PTK2B: variants seen among roughly 807,000 people sequenced by gnomAD.
PTK2B encodes protein tyrosine kinase 2 beta.
PTK2B carries 71 observed loss-of-function variants against 142.9 expected under a neutral mutation model. The observed-to-expected ratio is 0.50, with a 90% CI of 0.41 to 0.61. PTK2B has a LOEUF of 0.61. PTK2B is among the 20% of genes least tolerant of loss of function. PTK2B has a pLI of 0.00. For missense variants in PTK2B, 1,105 were observed against 1,320.4 expected, an observed-to-expected ratio of 0.84 and a Z score of 2.53; for synonymous variants, 519 against 503.4, an observed-to-expected ratio of 1.03 and a Z score of -0.42.
chr8:27,410,382 G>A (rs1440533498), intron 2 of PTK2B, among the ~76,000 whole-genome samples: 1 of 152,174 alleles, frequency 6.6e-6, no homozygotes, highest in African/African-American at 2.4e-5. Flanking sequence ...TCCCAAATCA[G>A]GATGAAAGGA....
At chr8:27,414,158 G>A (rs890384881) in intron 2 of PTK2B, among the ~76,000 whole-genome samples, 1 of 152,130 alleles carries the variant, frequency 6.6e-6, no homozygotes, top group Non-Finnish European at 1.5e-5. Flanking sequence ...AGCCATTTCT[G>A]CAAGGAGCTT....
intron 28 of PTK2B, among the ~76,000 whole-genome samples, chr8:27,453,727 T>A (rs74614358): frequency 0.13 from 19,593 of 152,022 alleles, 1,277 homozygotes; most frequent in Middle Eastern, 0.16. Flanking sequence ...TAAATTTTTT[T>A]AAAAAAGATT....
intron 1 of PTK2B, among the ~76,000 whole-genome samples, chr8:27,376,800 T>A (rs911105648): frequency 6.6e-6 from 1 of 152,226 alleles, no homozygotes; most frequent in Non-Finnish European, 1.5e-5. Context: ...TAATCCACCC[T>A]TTGTTTAGCA....
intron 1 of PTK2B, among the ~76,000 whole-genome samples, chr8:27,332,777 T>C (rs1177693017): frequency 6.6e-6 from 1 of 152,194 alleles, no homozygotes; most frequent in Non-Finnish European, 1.5e-5. Flanking sequence ...AGACGATGTC[T>C]TGCTATGTTG....
In PTK2B at chr8:27,454,104, C is replaced by T. The variant is rs115274267; in HGVS notation, c.2596-50C>T. 2.3e-3 allele frequency: 3,695 copies of T among 1,609,460 alleles called. 81 individuals are homozygous for T. The African/African-American group carries it at 0.044, about 19-fold the overall frequency. On this transcript the variant is annotated intron_variant, in intron 28 of 30. Coordinates refer to ENST00000346049, the MANE Select transcript of PTK2B (RefSeq NM_173176.3). The stretch of plus-strand genomic sequence containing the variant: ...GTGCCTGCCCAGGAAAGAATCATTC[C>T]GTGCCCCTGGCTCTCCCCAACTCAC...
intron 5 of PTK2B, among the ~76,000 whole-genome samples, chr8:27,425,055 A>ATAGTCACG (rs1268793410): frequency 1.3e-5 from 2 of 150,624 alleles, no homozygotes; most frequent in African/African-American, 4.9e-5. Flanking sequence ...TAGTAACATT[A>ATAGTCACG]TAGTCACGTT....
intron 1 of PTK2B, among the ~76,000 whole-genome samples, chr8:27,358,030 G>T (rs1231018790): frequency 6.6e-6 from 1 of 152,180 alleles, no homozygotes; most frequent in Admixed American, 6.5e-5. Flanking sequence ...AACCTCATTG[G>T]ATTTCTATGG....
intron 30 of PTK2B, among the ~76,000 whole-genome samples, chr8:27,456,444 C>G (rs1230414751): frequency 6.6e-6 from 1 of 152,214 alleles, no homozygotes; most frequent in African/African-American, 2.4e-5. Flanking sequence ...CCATCATAAA[C>G]TGTGCCCACA....
intron 1 of PTK2B, among the ~76,000 whole-genome samples, chr8:27,341,764 C>T (rs1050077849): frequency 3.7e-4 from 56 of 152,236 alleles, no homozygotes; most frequent in African/African-American, 1.3e-3. Flanking sequence ...GCTTCTACCT[C>T]CCAGGCTAAG....
Position 27,363,130 on chromosome 8 carries a change from A to G in PTK2B, c.-37-34418A>G, listed in dbSNP as rs991104138. Among the ~76,000 whole-genome samples the G allele has an allele frequency of 3.3e-5, 5 of 152,222 alleles. No homozygotes were observed. The highest frequency in any genetic ancestry group is 3.3e-4 in the Admixed American group (5 of 15,280). ...TTCCCTCATTGGAGTAGGGACTAGG[A>G]CAAGGGCCAGCCCATCCTGTCAGGC... is the stretch of plus-strand genomic sequence containing the variant. On this transcript the variant is annotated intron_variant, in intron 1 of 30. Transcript: ENST00000346049. This position sits in a 1 kb window ranked among gnomAD's most constrained non-coding sequence, Gnocchi z 4.3.
At chr8:27,434,423 G>T (rs541943669) in intron 12 of PTK2B, 90 bp from the exon 13 acceptor site, 1 of 1,377,958 alleles carries the variant, frequency 7.3e-7, no homozygotes, top group Non-Finnish European at 9.9e-7. Context: ...TTCTCCACAG[G>T]GGGCAGGAGG....
At chr8:27,398,075 T>C (rs527579042) in intron 2 of PTK2B, among the ~76,000 whole-genome samples, 8 of 152,388 alleles carry the variant, frequency 5.2e-5, no homozygotes, top group African/African-American at 1.9e-4. Context: ...TAAGTATTTA[T>C]GATACTTGAA....
At chr8:27,434,476 T>C in intron 12 of PTK2B, 37 bp from the exon 13 acceptor site, 1 of 1,594,210 alleles carries the variant, frequency 6.3e-7, no homozygotes, top group Non-Finnish European at 8.6e-7. Flanking sequence ...TACCGGCCTC[T>C]GAGCTCACCT....
intron 1 of PTK2B, among the ~76,000 whole-genome samples, chr8:27,350,020 G>C (rs1804949479): frequency 6.6e-6 from 1 of 152,206 alleles, no homozygotes; most frequent in Admixed American, 6.5e-5. Flanking sequence ...CATTCTGCAG[G>C]CTTCTCATCC....
intron 3 of PTK2B, among the ~76,000 whole-genome samples, chr8:27,315,195 C>T (rs1351822879): frequency 6.6e-6 from 1 of 152,196 alleles, no homozygotes; most frequent in Admixed American, 6.5e-5. Context: ...GTTCATGGTT[C>T]TCCTGCAATT....
At chr8:27,355,644 G>A (rs934119589) in intron 1 of PTK2B, among the ~76,000 whole-genome samples, 2 of 152,208 alleles carry the variant, frequency 1.3e-5, no homozygotes, top group Non-Finnish European at 2.9e-5. Context: ...TAAGAAATAT[G>A]AGTGTATTCC....
chr8:27,451,848 C>T (rs1352780603), intron 27 of PTK2B: 11 of 1,002,166 alleles, frequency 1.1e-5, no homozygotes, highest in Non-Finnish European at 1.3e-5. Flanking sequence ...AAAAGTTAAG[C>T]AGTGCCACCT....
intron 1 of PTK2B, among the ~76,000 whole-genome samples, chr8:27,375,955 A>T (rs1415110518): frequency 6.6e-6 from 1 of 152,222 alleles, no homozygotes; most frequent in Non-Finnish European, 1.5e-5. Context: ...ACAGCCGAGA[A>T]TAGAACCCAA....
Position 27,433,494 on chromosome 8 carries a change from C to T in PTK2B, c.1047C>T (p.Asp349=), listed in dbSNP as rs372119534. The T allele has an allele frequency of 1.1e-4, 185 of 1,614,242 alleles. No individual in the cohort carries two copies. The highest frequency in any genetic ancestry group is 4.9e-4 in the South Asian group (45 of 91,088). The change falls in exon 11 of 31, where the codon GAC becomes GAT. Residue 349 remains aspartate (D), a synonymous_variant. Transcript: ENST00000346049. The stretch of plus-strand genomic sequence containing the variant: ...CTGAGAACATGGCTGACCTCATAGA[C>T]GGCTACTGCCGGCTGCAGGGTGAGC... ...AEAENMADLI[D]GYCRLQGEHQ... is the part of the protein sequence containing the mutation.
Sources: allele counts gnomAD v4.1 joint callset (sites outside exome capture counted in the v4.1 genomes callset), GRCh38; gene constraint gnomAD v4.1.1; non-coding constraint Gnocchi (gnomAD v3.1); transcripts MANE v1.5; gene names NCBI Gene and HGNC (gene_info 2026-07-23, HGNC 2026-07-21).